SOX6: variants seen among roughly 807,000 people sequenced by gnomAD.
SOX6 encodes SRY-box transcription factor 6.
Under a neutral mutation model 97.8 loss-of-function variants are expected in SOX6, and 11 were observed. That is an observed-to-expected ratio of 0.11 (90% CI 0.07 to 0.19). SOX6 has a LOEUF of 0.19. Ranked by LOEUF, SOX6 falls within the 10% of genes least tolerant of loss-of-function variation. The probability of loss-of-function intolerance (pLI) is 1.00; values close to 1 mark genes in which losing one functional copy is unlikely to be tolerated. For missense variants in SOX6, 810 were observed against 1,039.5 expected (o/e 0.78, Z 3.04); for synonymous variants, 360 against 371.4 (o/e 0.97, Z 0.35).
intron 4 of SOX6, among the ~76,000 whole-genome samples, chr11:16,213,535 T>A (rs1852285968): frequency 6.6e-6 from 1 of 152,132 alleles, no homozygotes; most frequent in Non-Finnish European, 1.5e-5. Flanking sequence ...GACAGTTTGA[T>A]GAAGGAAAGA....
intron 1 of SOX6, among the ~76,000 whole-genome samples, chr11:16,447,587 T>C (rs1349108799): frequency 6.6e-6 from 1 of 152,126 alleles, no homozygotes; most frequent in Non-Finnish European, 1.5e-5. Flanking sequence ...CTGTTATTAA[T>C]AGATTATACA....
At chr11:16,018,022 G>A (rs1216842386) in intron 12 of SOX6, among the ~76,000 whole-genome samples, 1 of 152,016 alleles carries the variant, frequency 6.6e-6, no homozygotes, top group Admixed American at 6.6e-5. Flanking sequence ...AAAAGTTATT[G>A]AAAAAAATTA....
At chr11:16,633,966 T>C (rs911007950) in intron 3 of SOX6, among the ~76,000 whole-genome samples, 2 of 152,322 alleles carry the variant, frequency 1.3e-5, no homozygotes, top group Middle Eastern at 3.4e-3. Context: ...ATGATCAAGA[T>C]TCAATCTACA....
At chr11:15,986,741 A>G (rs1238661745) in intron 14 of SOX6, among the ~76,000 whole-genome samples, 3 of 152,226 alleles carry the variant, frequency 2.0e-5, no homozygotes, top group African/African-American at 7.2e-5. Context: ...CAACAGGGAT[A>G]AAAGGCTAAA....
chr11:16,500,144 G>C (rs897819844), intron 4 of SOX6, among the ~76,000 whole-genome samples: 7 of 152,174 alleles, frequency 4.6e-5, no homozygotes, highest in Non-Finnish European at 7.3e-5. Context: ...TGGGATGCAA[G>C]GCTGGTTCAA....
chr11:16,601,602 A>G (rs1848270633), intron 4 of SOX6, among the ~76,000 whole-genome samples: 1 of 152,194 alleles, frequency 6.6e-6, no homozygotes, highest in Non-Finnish European at 1.5e-5. Flanking sequence ...AGAAAAGCAT[A>G]GAAAATATTA....
chr11:16,075,655 G>C (rs996925581), intron 9 of SOX6, among the ~76,000 whole-genome samples: 13 of 152,082 alleles, frequency 8.5e-5, no homozygotes, highest in African/African-American at 3.1e-4. Flanking sequence ...AAGTCCTGTT[G>C]GGGAGTGGGG....
At chr11:16,645,683 C>T (rs1849003231) in intron 3 of SOX6, among the ~76,000 whole-genome samples, 1 of 152,200 alleles carries the variant, frequency 6.6e-6, no homozygotes, top group African/African-American at 2.4e-5. Flanking sequence ...GGGAATTATG[C>T]AGCTGCAAGC....
At chr11:16,330,753 A>G (rs1856264847) in intron 2 of SOX6, among the ~76,000 whole-genome samples, 1 of 152,142 alleles carries the variant, frequency 6.6e-6, no homozygotes, top group Non-Finnish European at 1.5e-5. Flanking sequence ...TAGAAGTGCC[A>G]AGAGGCTTAG....
intron 6 of SOX6, among the ~76,000 whole-genome samples, chr11:16,130,793 G>C (rs1849720836): frequency 6.6e-6 from 1 of 151,690 alleles, no homozygotes; most frequent in South Asian, 2.1e-4. Flanking sequence ...CAGTGGACCA[G>C]AATACAGAGT....
At chr11:16,045,833 C>A (rs1282522826) in intron 12 of SOX6, among the ~76,000 whole-genome samples, 1 of 152,190 alleles carries the variant, frequency 6.6e-6, no homozygotes, top group Non-Finnish European at 1.5e-5. Flanking sequence ...CACCCTATTC[C>A]TTTAACTTGC....
chr11:16,630,237 T>A (rs1590020740), intron 3 of SOX6, among the ~76,000 whole-genome samples: 1 of 152,214 alleles, frequency 6.6e-6, no homozygotes, highest in Non-Finnish European at 1.5e-5. Flanking sequence ...CACTATAAAC[T>A]TTCCTTTCAA....
At chr11:16,584,076 A>G (rs1405566188) in intron 4 of SOX6, among the ~76,000 whole-genome samples, 1 of 152,172 alleles carries the variant, frequency 6.6e-6, no homozygotes, top group African/African-American at 2.4e-5. Context: ...CTAAGTACCT[A>G]TTAGGTGCCA....
chr11:16,086,966 G>A (rs1000304201), intron 9 of SOX6, among the ~76,000 whole-genome samples: 2 of 152,130 alleles, frequency 1.3e-5, no homozygotes, highest in Admixed American at 1.3e-4. Flanking sequence ...AATTATACAA[G>A]AAAGCTTCTA....
At chr11:16,141,293 T>G (rs1850131229) in intron 6 of SOX6, among the ~76,000 whole-genome samples, 1 of 152,092 alleles carries the variant, frequency 6.6e-6, no homozygotes, top group Admixed American at 6.5e-5. Flanking sequence ...TTACAGGTAT[T>G]CAGGTATCTG....
intron 4 of SOX6, among the ~76,000 whole-genome samples, chr11:16,228,058 C>T (rs932906982): frequency 1.3e-5 from 2 of 151,960 alleles, no homozygotes; most frequent in African/African-American, 2.4e-5. Context: ...ACTAGCCAGG[C>T]GTGGTGGCAC....
intron 1 of SOX6, among the ~76,000 whole-genome samples, chr11:16,393,108 C>G (rs1858234726): frequency 6.6e-6 from 1 of 152,010 alleles, no homozygotes; most frequent in African/African-American, 2.4e-5. Flanking sequence ...AGACTTTCAA[C>G]TACTAACTTG....
At chr11:16,523,544 T>G (rs1861105869) in intron 4 of SOX6, among the ~76,000 whole-genome samples, 1 of 151,530 alleles carries the variant, frequency 6.6e-6, no homozygotes, top group Non-Finnish European at 1.5e-5. Flanking sequence ...AGATCTAAAA[T>G]TGACACCCTA....
intron 6 of SOX6, among the ~76,000 whole-genome samples, chr11:16,179,488 G>A (rs966855271): frequency 4.0e-5 from 6 of 151,830 alleles, no homozygotes; most frequent in Non-Finnish European, 7.4e-5. Flanking sequence ...TAAGCAATAT[G>A]TATTTCAACA....
Sources: gnomAD v4.1 joint callset for allele counts (sites outside exome capture counted in the v4.1 genomes callset) on GRCh38, gnomAD v4.1.1 for gene constraint, MANE v1.5 for transcripts, NCBI Gene and HGNC (gene_info 2026-07-23, HGNC 2026-07-21) for gene names.